Variants in ERP44 observed in about 807,000 individuals in gnomAD.
ERP44 encodes endoplasmic reticulum protein 44, also known as endoplasmic reticulum resident protein 44.
Under a neutral mutation model 53.4 loss-of-function variants are expected in ERP44, and 25 were observed. The observed-to-expected ratio is 0.47, with a 90% CI of 0.34 to 0.65. The LOEUF is 0.65. ERP44 is among the 30% of genes least tolerant of loss of function. ERP44 has a pLI of 0.01. For synonymous variants in ERP44, 145 were observed against 161.2 expected, an observed-to-expected ratio of 0.90 and a Z score of 0.76; for missense variants, 338 against 493.2, an observed-to-expected ratio of 0.69 and a Z score of 2.98.
At chr9:99,999,142 T>C (rs1830349696) in intron 10 of ERP44, 5 of 567,240 alleles carry the variant, frequency 8.8e-6, no homozygotes, top group Non-Finnish European at 1.6e-5. Flanking sequence ...TGTACCGCGC[T>C]GGGAGGCCAG....
At chr9:100,019,185 T>A (rs1402475081) in intron 6 of ERP44, among the ~76,000 whole-genome samples, 2 of 152,212 alleles carry the variant, frequency 1.3e-5, no homozygotes, top group Admixed American at 1.3e-4. Context: ...GACTTTCTGA[T>A]GAGATGACAT....
At chr9:100,036,826 T>G (rs1210754258) in intron 4 of ERP44, among the ~76,000 whole-genome samples, 1 of 150,886 alleles carries the variant, frequency 6.6e-6, no homozygotes, top group Non-Finnish European at 1.5e-5. Flanking sequence ...AAGTAGAGAG[T>G]AGAACTGTGG....
intron 10 of ERP44, among the ~76,000 whole-genome samples, chr9:100,004,745 C>T (rs1347590611): frequency 1.3e-5 from 2 of 152,192 alleles, no homozygotes; most frequent in Non-Finnish European, 2.9e-5. Context: ...ACTACTATCT[C>T]TGACCTGGTT....
At chr9:100,087,760 C>A (rs1417117093) in intron 1 of ERP44, among the ~76,000 whole-genome samples, 2 of 152,094 alleles carry the variant, frequency 1.3e-5, no homozygotes, top group East Asian at 1.9e-4. Flanking sequence ...AAGTCTACCA[C>A]TCTACATCAG....
intron 4 of ERP44, among the ~76,000 whole-genome samples, chr9:100,044,178 A>G (rs1825943237): frequency 6.6e-6 from 1 of 152,208 alleles, no homozygotes; most frequent in African/African-American, 2.4e-5. Context: ...AGTGCCTACA[A>G]AACAGTTCAT....
intron 1 of ERP44, among the ~76,000 whole-genome samples, chr9:100,085,185 T>G (rs1205075117): frequency 6.6e-6 from 1 of 152,220 alleles, no homozygotes; most frequent in Non-Finnish European, 1.5e-5. Context: ...TACTTATCGT[T>G]GTAGAATGGA....
chr9:100,086,963 T>C (rs1442042911), intron 1 of ERP44, among the ~76,000 whole-genome samples: 4 of 149,984 alleles, frequency 2.7e-5, no homozygotes, highest in Admixed American at 6.6e-5. Context: ...TAAATCATCA[T>C]AGCAACTCTG....
At chr9:100,043,306 A>G (rs1394441890) in intron 4 of ERP44, among the ~76,000 whole-genome samples, 4 of 146,038 alleles carry the variant, frequency 2.7e-5, no homozygotes, top group African/African-American at 7.5e-5. Context: ...AATAAGACAT[A>G]GTATTTGCTA....
At chr9:100,028,536 A>G (rs1336302588) in intron 4 of ERP44, among the ~76,000 whole-genome samples, 2 of 152,260 alleles carry the variant, frequency 1.3e-5, no homozygotes, top group African/African-American at 4.8e-5. Flanking sequence ...TTTGGAAAGC[A>G]GACAGTTACA....
chr9:100,036,160 G>T (rs755036562), intron 4 of ERP44, among the ~76,000 whole-genome samples: 4 of 152,226 alleles, frequency 2.6e-5, no homozygotes, highest in Non-Finnish European at 5.9e-5. Context: ...TCCATCAACA[G>T]TGGACTGGAT....
At chr9:100,012,379 T>C (rs1313791583) in intron 8 of ERP44, among the ~76,000 whole-genome samples, 3 of 152,138 alleles carry the variant, frequency 2.0e-5, no homozygotes, top group Non-Finnish European at 4.4e-5. Context: ...AGAACCTTGA[T>C]TTGAGAAATA....
chr9:100,038,472 T>C (rs1377453699), intron 4 of ERP44, among the ~76,000 whole-genome samples: 4 of 152,034 alleles, frequency 2.6e-5, no homozygotes, highest in Admixed American at 6.6e-5. Context: ...AGCCACATGG[T>C]AACCTCAAAT....
intron 1 of ERP44, among the ~76,000 whole-genome samples, chr9:100,066,253 G>C (rs1380417187): frequency 2.0e-5 from 3 of 152,190 alleles, no homozygotes; most frequent in Admixed American, 1.3e-4. Context: ...ACAATGCATT[G>C]ACATGCAAAT....
chr9:99,989,862 A>T (rs1830234994), intron 10 of ERP44, among the ~76,000 whole-genome samples: 2 of 152,230 alleles, frequency 1.3e-5, no homozygotes, highest in Non-Finnish European at 2.9e-5. Context: ...ATGGCACGAG[A>T]ACTATGTGAC....
At chr9:100,021,906 T>A (rs1389787053) in intron 5 of ERP44, 136 bp downstream of exon 5, 2 of 720,058 alleles carry the variant, frequency 2.8e-6, no homozygotes, top group Middle Eastern at 3.4e-4. Context: ...TTCAAAAAAA[T>A]TCAACTCATT....
intron 10 of ERP44, among the ~76,000 whole-genome samples, chr9:100,000,431 G>C (rs1367002253): frequency 1.1e-5 from 1 of 87,608 alleles, no homozygotes; most frequent in African/African-American, 6.6e-5. Context: ...GCAAGATCCT[G>C]TATCAAAAAA....
At chr9:100,098,652 C>T (rs1034651824) in intron 1 of ERP44, 132 bp downstream of exon 1, 3 of 686,166 alleles carry the variant, frequency 4.4e-6, no homozygotes, top group African/African-American at 1.8e-5. Context: ...GTGAGGGCAG[C>T]GGGGGAGGGT....
chr9:100,075,736 A>C lies in ERP44; in HGVS notation c.58-15564T>G, dbSNP rs149505481. Among the ~76,000 whole-genome samples the C allele has an allele frequency of 5.3e-3, 800 of 152,338 alleles. 8 individuals are homozygous for C. The highest frequency in any genetic ancestry group is 0.018 in the African/African-American group (729 of 41,568). The stretch of plus-strand genomic sequence containing the variant: ...GTTGCTGCATTTGGCCCCTCCTACA[A>C]CCAAGAAACAGGCACAACACCTAGT... On this transcript the variant is annotated intron_variant, in intron 1 of 11. Coordinates refer to ENST00000262455, the MANE Select transcript of ERP44 (RefSeq NM_015051.3).
chr9:100,041,556 T>C (rs1039401768), intron 4 of ERP44, among the ~76,000 whole-genome samples: 2 of 152,000 alleles, frequency 1.3e-5, no homozygotes, highest in Non-Finnish European at 2.9e-5. Context: ...TAGTCCCAGT[T>C]ACTTGGGAGG....
Sources: allele counts gnomAD v4.1 joint callset (sites outside exome capture counted in the v4.1 genomes callset), GRCh38; gene constraint gnomAD v4.1.1; transcripts MANE v1.5; gene names NCBI Gene and HGNC (gene_info 2026-07-23, HGNC 2026-07-21).